Variants in TGFB1I1 observed in about 807,000 individuals in gnomAD.
The protein encoded by TGFB1I1 is transforming growth factor beta 1 induced transcript 1.
Under a neutral mutation model 52.0 loss-of-function variants are expected in TGFB1I1, and 33 were observed. That is an observed-to-expected ratio of 0.63 (90% CI 0.48 to 0.85). The LOEUF (loss-of-function observed/expected upper bound fraction) is 0.85. TGFB1I1 is among the 40% of genes least tolerant of loss of function. TGFB1I1 has a pLI of 0.00. For missense variants in TGFB1I1, 577 were observed against 614.9 expected (o/e 0.94, Z 0.65); for synonymous variants, 236 against 253.3 (o/e 0.93, Z 0.65).
In TGFB1I1 at chr16:31,476,571, G is replaced by A. The variant is rs796376413; in HGVS notation, c.970+9G>A. The A allele has an allele frequency of 8.1e-6, 13 of 1,610,992 alleles. No individual in the cohort carries two copies. The African/African-American group carries it at 1.7e-4, about 21-fold the overall frequency. ...GCCCTTCGGAGATGAGGGTGAGAGT[G>A]AACTCGACTCCCATCTTAAAAGCTG... On this transcript the variant is annotated intron_variant, in intron 9 of 10. Transcript: ENST00000394863. The surrounding 1 kb of genome is among the most constrained non-coding windows in gnomAD (Gnocchi z 7.6).
intron 7 of TGFB1I1, chr16:31,475,727 G>A: frequency 9.0e-6 from 3 of 335,144 alleles, no homozygotes; most frequent in Non-Finnish European, 1.6e-5. Context: ...CAGCCTGATC[G>A]TATTTTGATT....
In TGFB1I1 at chr16:31,477,712, C is replaced by T. The variant is rs13143; in HGVS notation, c.*136C>T. 312,283 of 1,190,998 alleles carry T rather than the reference C, an allele frequency of 0.26. 42,745 individuals are homozygous for T. Among genetic ancestry groups the T allele is most frequent in the Non-Finnish European group, 0.28 (244,352 of 878,838 alleles). 73.8% of individuals were successfully genotyped at this position (1,190,998 alleles called of 1,614,324 possible). A position where few individuals can be genotyped will look rare whatever the true frequency, so the allele number is the denominator to read the frequency against. The stretch of plus-strand genomic sequence containing the variant: ...GCCCCGCCCCTAAGGTACTATGAGT[C>T]CTCAGGGGTCAAGTTCAGAAACGGC... On this transcript the variant is annotated 3_prime_UTR_variant, in exon 11 of 11. Transcript: ENST00000394863. The surrounding 1 kb of genome is among the most constrained non-coding windows in gnomAD (Gnocchi z 4.7).
chr16:31,477,110 G>A lies in TGFB1I1; in HGVS notation c.1119+100G>A. On this transcript the variant is annotated intron_variant, in intron 10 of 10. Coordinates refer to ENST00000394863, the MANE Select transcript of TGFB1I1 (RefSeq NM_001042454.3). The surrounding 1 kb of genome is among the most constrained non-coding windows in gnomAD (Gnocchi z 4.7). ...GGGTCAAGGGTGCAGGGCAGGGGGC[G>A]GGCCCTCGGGGGGGCGGGTCACGGG... is the stretch of plus-strand genomic sequence containing the variant. 1 of 1,371,960 alleles carries A rather than the reference G, an allele frequency of 7.3e-7. No individual in the cohort carries two copies. The highest frequency in any genetic ancestry group is 2.5e-5 in the Admixed American group (1 of 39,738). 85.0% of individuals were successfully genotyped at this position (1,371,960 alleles called of 1,614,324 possible).
intron 2 of TGFB1I1, 53 bp downstream of exon 2, chr16:31,473,609 G>A: frequency 6.2e-7 from 1 of 1,609,018 alleles, no homozygotes; most frequent in Non-Finnish European, 8.5e-7. Context: ...GCTCGGCCTG[G>A]TCTATGGGGA....
In TGFB1I1 at chr16:31,472,255, C is replaced by T. The variant is rs2082395631; in HGVS notation, c.13+54C>T. ...GGCCCCTCACCGCTGCCCAGAGCTG[C>T]CTCCCCGCCGTCGCTCTCCCGCATC... is the stretch of plus-strand genomic sequence containing the variant. On this transcript the variant is annotated intron_variant, in intron 1 of 10. Coordinates refer to ENST00000394863, the MANE Select transcript of TGFB1I1 (RefSeq NM_001042454.3). 7 of 1,431,750 alleles carry T rather than the reference C, an allele frequency of 4.9e-6. No individual in the cohort carries two copies. In the Admixed American group the frequency reaches 1.3e-4, roughly 26 times the overall value. 88.7% of individuals were successfully genotyped at this position (1,431,750 alleles called of 1,614,324 possible).
intron 1 of TGFB1I1, 57 bp downstream of exon 1, chr16:31,472,258 C>T: frequency 3.5e-6 from 5 of 1,429,092 alleles, no homozygotes; most frequent in Admixed American, 5.1e-5. Context: ...AGAGCTGCCT[C>T]CCCGCCGTCG....
rs772211021 is a variant in TGFB1I1, at chr16:31,474,284, ATC to A, written c.413+47_413+48del. On this transcript the variant is annotated intron_variant, in intron 5 of 10. Coordinates refer to ENST00000394863, the MANE Select transcript of TGFB1I1 (RefSeq NM_001042454.3). This position sits in a 1 kb window ranked among gnomAD's most constrained non-coding sequence, Gnocchi z 4.2. ...CAGGGCTGAGAGATGAGTCCTGGAT[ATC>A]TGAGTCACTAGAGGGAGCGTTGCTC... 4.0e-5 allele frequency: 65 copies of A among 1,613,408 alleles called. No homozygotes were observed. The Middle Eastern group carries it at 4.9e-4, about 12-fold the overall frequency.
intron 1 of TGFB1I1, chr16:31,472,622 CTGAGCACAG>C (rs2082397826): frequency 5.9e-6 from 1 of 170,404 alleles, no homozygotes; most frequent in Non-Finnish European, 1.2e-5. Flanking sequence ...TTAAGGGCTC[CTGAGCACAG>C]TGAGGGTCAG....
In TGFB1I1 at chr16:31,474,522, G is replaced by T; in HGVS notation, c.520-41G>T. 1 of 1,611,916 alleles carries T rather than the reference G, an allele frequency of 6.2e-7. No individual in the cohort carries two copies. Among genetic ancestry groups the T allele is most frequent in the Non-Finnish European group, 8.5e-7 (1 of 1,178,532 alleles). On this transcript the variant is annotated intron_variant, in intron 6 of 10. Transcript: ENST00000394863. The surrounding 1 kb of genome is among the most constrained non-coding windows in gnomAD (Gnocchi z 4.2). ...ACCCCTTCTAGACAATTCCACATCT[G>T]CTGCTTTGCTGACTCAATTCTCATG...
In TGFB1I1 at chr16:31,476,274, G is replaced by A. The variant is rs1266463272; in HGVS notation, c.888+89G>A. On this transcript the variant is annotated intron_variant, in intron 8 of 10. Transcript: ENST00000394863. The surrounding 1 kb of genome is among the most constrained non-coding windows in gnomAD (Gnocchi z 7.6). ...CCACCGCATGGGTCCCGCCCCACCC[G>A]CGATACCCCACTCCACCCCTACCCC... 4 of 1,226,822 alleles carry A rather than the reference G, an allele frequency of 3.3e-6. No homozygotes were observed. The East Asian group carries it at 1.4e-4, about 44-fold the overall frequency. The allele number at this position is 1,226,822 out of a possible 1,614,324, so 76.0% of individuals were successfully genotyped here. A position where few individuals can be genotyped will look rare whatever the true frequency, so the allele number is the denominator to read the frequency against.
chr16:31,473,981 CCAGGGTGACTG>C lies in TGFB1I1; in HGVS notation c.325+5_325+15del. 1 of 1,613,830 alleles carries C rather than the reference CCAGGGTGACTG, an allele frequency of 6.2e-7. No individual in the cohort carries two copies. The highest frequency in any genetic ancestry group is 8.5e-7 in the Non-Finnish European group (1 of 1,179,986). On this transcript the variant is annotated splice_donor_5th_base_variant and intron_variant, in intron 4 of 10. Transcript: ENST00000394863. ...GCCACTCAGTTCAACATCACAGGTACCAGGGTGACTGAGAGAGGCCTTGATGCGATAGGGGC... is the reference window on the plus strand; with the variant it reads ...GCCACTCAGTTCAACATCACAGGTACAGAGAGGCCTTGATGCGATAGGGGC...
Position 31,476,760 on chromosome 16 carries a change from C to G in TGFB1I1, c.971-102C>G, listed in dbSNP as rs2082426633. ...AGACCCGGCTCCTCCTTCCCCAAGGCTCCCTCGGACTGCCCCTCCTTCGGC... is the reference window on the plus strand; with the variant it reads ...AGACCCGGCTCCTCCTTCCCCAAGGGTCCCTCGGACTGCCCCTCCTTCGGC... On this transcript the variant is annotated intron_variant, in intron 9 of 10. Transcript: ENST00000394863. The surrounding 1 kb of genome is among the most constrained non-coding windows in gnomAD (Gnocchi z 7.6). The G allele has an allele frequency of 1.3e-6, 2 of 1,551,952 alleles. No individual in the cohort carries two copies. The highest frequency in any genetic ancestry group is 1.4e-5 in the African/African-American group (1 of 73,152).
At chr16:31,475,797 G>A (rs1351244307) in intron 7 of TGFB1I1, 2 of 520,562 alleles carry the variant, frequency 3.8e-6, no homozygotes, top group Non-Finnish European at 6.7e-6. Flanking sequence ...CAGGCGCTGT[G>A]CCTGCTGTGC....
Position 31,474,034 on chromosome 16 carries a change from G to T in TGFB1I1, c.325+57G>T. 6.2e-7 allele frequency: 1 copy of T among 1,610,416 alleles called. No homozygotes were observed. Among genetic ancestry groups the T allele is most frequent in the South Asian group, 1.1e-5 (1 of 90,852 alleles). The stretch of plus-strand genomic sequence containing the variant: ...GATAGGGGCAGGGGAGGGAAGGGTG[G>T]GGCAGAGACTAAGAGGAATACACTT... On this transcript the variant is annotated intron_variant, in intron 4 of 10. Coordinates refer to ENST00000394863, the MANE Select transcript of TGFB1I1 (RefSeq NM_001042454.3). This position sits in a 1 kb window ranked among gnomAD's most constrained non-coding sequence, Gnocchi z 4.2.
chr16:31,474,828 A>G lies in TGFB1I1; in HGVS notation c.714+71A>G, dbSNP rs752305672. 9 of 1,412,766 alleles carry G rather than the reference A, an allele frequency of 6.4e-6. No individual in the cohort carries two copies. The highest frequency in any genetic ancestry group is 4.8e-5 in the East Asian group (2 of 41,242). 87.5% of individuals were successfully genotyped at this position (1,412,766 alleles called of 1,614,324 possible). On this transcript the variant is annotated intron_variant, in intron 7 of 10. Coordinates refer to ENST00000394863, the MANE Select transcript of TGFB1I1 (RefSeq NM_001042454.3). This position sits in a 1 kb window ranked among gnomAD's most constrained non-coding sequence, Gnocchi z 4.2. Reference sequence around the variant, plus strand: ...CCATCTTTAGTGAGAGCTGGGCTTTATGCTGTTCCCTTTTAGTAAGTTAAT... The same window carrying G: ...CCATCTTTAGTGAGAGCTGGGCTTTGTGCTGTTCCCTTTTAGTAAGTTAAT...
chr16:31,474,465 G>A lies in TGFB1I1; in HGVS notation c.519+10G>A. ...CCGCGTTCAAAACCATGTGAGTTGG[G>A]CAGTGGGCCAGTGTCCATTTGTGGC... is the stretch of plus-strand genomic sequence containing the variant. On this transcript the variant is annotated intron_variant, in intron 6 of 10. Transcript: ENST00000394863. The surrounding 1 kb of genome is among the most constrained non-coding windows in gnomAD (Gnocchi z 4.2). The A allele has an allele frequency of 6.2e-7, 1 of 1,614,068 alleles. No individual in the cohort carries two copies. Among genetic ancestry groups the A allele is most frequent in the East Asian group, 2.2e-5 (1 of 44,890 alleles).
At chr16:31,473,145 G>A in intron 1 of TGFB1I1, 6 of 1,157,454 alleles carry the variant, frequency 5.2e-6, no homozygotes, top group Non-Finnish European at 6.5e-6. Context: ...GGAGCAATTT[G>A]GAGGGGAGCC....
chr16:31,474,381 G>C lies in TGFB1I1; in HGVS notation c.445G>C (p.Ala149Pro), dbSNP rs751603714. 11 of 1,614,056 alleles carry C rather than the reference G, an allele frequency of 6.8e-6. No homozygotes were observed. The Admixed American group carries it at 1.2e-4, about 17-fold the overall frequency. Residue 149 changes from alanine to proline, a missense_variant, in exon 6 of 11, where the codon GCT (alanine) becomes CCT (proline). Physicochemically the swap from Ala to Pro is conservative, Grantham distance 27. Around this residue, in one of 3 missense-constraint regions of TGFB1I1, gnomAD observed 456 missense variants for 461.6 expected, o/e 0.99. Transcript: ENST00000394863. This position sits in a 1 kb window ranked among gnomAD's most constrained non-coding sequence, Gnocchi z 4.2. ...PSSPSPGLPK[A>P]SATSATLELD... is the part of the protein sequence containing the mutation. ...CAGCCCGTCTCCTGGCCTCCCAAAG[G>C]CTTCTGCCACCTCAGCCACTCTGGA...
At position 31,474,250 on chromosome 16, in the gene TGFB1I1, C is replaced by T. The variant is rs377732684; in HGVS notation, c.413+11C>T. On this transcript the variant is annotated intron_variant, in intron 5 of 10. Coordinates refer to ENST00000394863, the MANE Select transcript of TGFB1I1 (RefSeq NM_001042454.3). The surrounding 1 kb of genome is among the most constrained non-coding windows in gnomAD (Gnocchi z 4.2). ...GAAAAGACCCAGCCTGTGAGTTTGG[C>T]GTCGTTGTCAGGGCTGAGAGATGAG... is the stretch of plus-strand genomic sequence containing the variant. 1.1e-4 allele frequency: 184 copies of T among 1,614,034 alleles called. No homozygotes were observed. The highest frequency in any genetic ancestry group is 1.4e-4 in the Non-Finnish European group (170 of 1,179,974).
Sources: gnomAD v4.1 joint callset for allele counts on GRCh38, gnomAD v4.1.1 for gene constraint, gnomAD v4.1.1 regional missense constraint, Gnocchi (gnomAD v3.1) non-coding constraint, MANE v1.5 for transcripts, NCBI Gene and HGNC (gene_info 2026-07-23, HGNC 2026-07-21) for gene names.